CCNI: variants seen among roughly 807,000 people sequenced by gnomAD.
The protein encoded by CCNI is cyclin-I.
In CCNI, 14 loss-of-function variants were observed where a neutral mutation model predicts 34.1. That is an observed-to-expected ratio of 0.41 (90% CI 0.27 to 0.64). The LOEUF is 0.64. Among genes scored for constraint, CCNI ranks in the 30% least tolerant of loss-of-function variants. The pLI, the probability that CCNI is intolerant of heterozygous loss-of-function variation, is 0.31. For missense variants in CCNI, 385 were observed against 440.5 expected, an observed-to-expected ratio of 0.87 and a Z score of 1.13; for synonymous variants, 154 against 158.4, an observed-to-expected ratio of 0.97 and a Z score of 0.21.
Position 77,075,458 on chromosome 4 carries a change from C to G in CCNI, c.-44+14G>C. The G allele has an allele frequency of 6.9e-5, 35 of 507,606 alleles. No homozygotes were observed. The highest frequency in any genetic ancestry group is 8.6e-5 in the Non-Finnish European group (34 of 393,808). 31.4% of individuals were successfully genotyped at this position (507,606 alleles called of 1,614,324 possible). On this transcript the variant is annotated intron_variant, in intron 1 of 6. Coordinates refer to ENST00000237654, the MANE Select transcript of CCNI (RefSeq NM_006835.3). Reference sequence around the variant, plus strand: ...GAGACGCGTCGAGCCCCCGCCCCCGCCCCCGCCCCTCACCTTCTCCTCCTC... The same window carrying G: ...GAGACGCGTCGAGCCCCCGCCCCCGGCCCCGCCCCTCACCTTCTCCTCCTC...
intron 6 of CCNI, among the ~76,000 whole-genome samples, chr4:77,054,679 CCT>C (rs1466502315): frequency 1.3e-5 from 2 of 152,204 alleles, no homozygotes; most frequent in Non-Finnish European, 2.9e-5. Flanking sequence ...CAGGGAAAAA[CCT>C]CTTTCAGAAA....
chr4:77,066,435 T>C, intron 1 of CCNI, 30 bp from the exon 2 acceptor site: 2 of 1,567,264 alleles, frequency 1.3e-6, no homozygotes, highest in Non-Finnish European at 1.7e-6. Context: ...TTAAAATTAG[T>C]TATAGAATAA....
At chr4:77,055,405 TA>T in intron 5 of CCNI, 25 bp from the exon 6 acceptor site, 1 of 1,413,474 alleles carries the variant, frequency 7.1e-7, no homozygotes. Flanking sequence ...AACATCATTT[TA>T]ACTTTATTTA....
intron 1 of CCNI, among the ~76,000 whole-genome samples, chr4:77,068,299 A>G (rs986372422): frequency 6.6e-6 from 1 of 152,244 alleles, no homozygotes; most frequent in Non-Finnish European, 1.5e-5. Flanking sequence ...ATGTATCACA[A>G]TATTTATACA....
chr4:77,065,171 ATAAG>A (rs1203279240), intron 2 of CCNI: 3 of 152,256 alleles, frequency 2.0e-5, no homozygotes, highest in Non-Finnish European at 4.4e-5. Context: ...GTGGGAAAGA[ATAAG>A]TAGGAAAAAT....
intron 2 of CCNI, among the ~76,000 whole-genome samples, chr4:77,062,975 T>C (rs1265480457): frequency 6.6e-6 from 1 of 152,172 alleles, no homozygotes. Flanking sequence ...TTTGAGTCTA[T>C]TATATGCAAG....
intron 6 of CCNI, among the ~76,000 whole-genome samples, chr4:77,050,552 A>G (rs1727756422): frequency 6.6e-6 from 1 of 152,212 alleles, no homozygotes; most frequent in African/African-American, 2.4e-5. Context: ...AAAATGGCAG[A>G]TTTTAGCATC....
chr4:77,054,225 T>C (rs1170864745), intron 6 of CCNI, among the ~76,000 whole-genome samples: 2 of 152,256 alleles, frequency 1.3e-5, no homozygotes, highest in Non-Finnish European at 2.9e-5. Flanking sequence ...ATGTTTTTCT[T>C]TTATAATAAT....
In CCNI at chr4:77,075,625, A is replaced by C; in HGVS notation, c.-197T>G. ...CGACTCGGCCAACTGAGGAGGGAGAAAGGGGAAGCGGATCGGGGGGCGCGG... is the reference window on the plus strand; with the variant it reads ...CGACTCGGCCAACTGAGGAGGGAGACAGGGGAAGCGGATCGGGGGGCGCGG... On this transcript the variant is annotated 5_prime_UTR_variant, in exon 1 of 7. Coordinates refer to ENST00000237654, the MANE Select transcript of CCNI (RefSeq NM_006835.3). 1.0e-6 allele frequency: 1 copy of C among 956,672 alleles called. No homozygotes were observed. The highest frequency in any genetic ancestry group is 1.2e-6 in the Non-Finnish European group (1 of 802,726). 59.3% of individuals were successfully genotyped at this position (956,672 alleles called of 1,614,324 possible). A position where few individuals can be genotyped will look rare whatever the true frequency, so the allele number is the denominator to read the frequency against.
At chr4:77,072,435 G>A (rs1395049633) in intron 1 of CCNI, among the ~76,000 whole-genome samples, 3 of 127,324 alleles carry the variant, frequency 2.4e-5, no homozygotes, top group Admixed American at 8.9e-5. Flanking sequence ...ACAACAGAGC[G>A]AGATCCCTGT....
At chr4:77,052,436 A>C (rs1466617535) in intron 6 of CCNI, among the ~76,000 whole-genome samples, 1 of 152,182 alleles carries the variant, frequency 6.6e-6, no homozygotes, top group Non-Finnish European at 1.5e-5. Context: ...GGAGAGAAAG[A>C]GGTTTAGCCA....
At chr4:77,065,169 GAA>G (rs1443949068) in intron 2 of CCNI, 1 of 152,260 alleles carries the variant, frequency 6.6e-6, no homozygotes, top group African/African-American at 2.4e-5. Flanking sequence ...TTGTGGGAAA[GAA>G]TAAGTAGGAA....
intron 6 of CCNI, among the ~76,000 whole-genome samples, chr4:77,051,830 G>T (rs1485635469): frequency 6.6e-6 from 1 of 152,110 alleles, no homozygotes; most frequent in African/African-American, 2.4e-5. Context: ...TGACATAAAT[G>T]GTAGGTCCAG....
chr4:77,058,665 A>G lies in CCNI; in HGVS notation c.115-30T>C, dbSNP rs772279317. On this transcript the variant is annotated intron_variant, in intron 2 of 6. Transcript: ENST00000237654. ...AAGGGAACAATTTTGAAAACAGAAGACAAAGTTTGAGCTATCATCAAGAGT... is the reference window on the plus strand; with the variant it reads ...AAGGGAACAATTTTGAAAACAGAAGGCAAAGTTTGAGCTATCATCAAGAGT... The G allele has an allele frequency of 3.7e-6, 6 of 1,601,126 alleles. No individual in the cohort carries two copies. The South Asian group carries it at 5.6e-5, about 15-fold the overall frequency.
At chr4:77,068,983 CT>C (rs1376092992) in intron 1 of CCNI, among the ~76,000 whole-genome samples, 2 of 152,092 alleles carry the variant, frequency 1.3e-5, no homozygotes, top group Non-Finnish European at 2.9e-5. Flanking sequence ...TATCTTCATA[CT>C]AAGATGACAA....
chr4:77,075,419 CGACGCCGGCCGCGGA>C (rs1207983690), intron 1 of CCNI, 38 bp downstream of exon 1: 3 of 807,528 alleles, frequency 3.7e-6, no homozygotes, highest in Non-Finnish European at 4.5e-6. Flanking sequence ...CCCAGCGCGT[CGACGCCGGCCGCGGA>C]GACGCGTCGA....
At chr4:77,063,546 C>T (rs983948084) in intron 2 of CCNI, among the ~76,000 whole-genome samples, 14 of 151,942 alleles carry the variant, frequency 9.2e-5, no homozygotes, top group African/African-American at 2.2e-4. Flanking sequence ...AAAAATTAGC[C>T]GGGCGTTGTG....
intron 2 of CCNI, among the ~76,000 whole-genome samples, chr4:77,060,168 A>G (rs4252859): frequency 0.017 from 2,542 of 152,282 alleles, 77 homozygotes; most frequent in African/African-American, 0.058. Flanking sequence ...GCATTAAACA[A>G]TAACAGAAAC....
chr4:77,058,728 C>T lies in CCNI; in HGVS notation c.115-93G>A. On this transcript the variant is annotated intron_variant, in intron 2 of 6. Transcript: ENST00000237654. Reference sequence around the variant, plus strand: ...CTCTCTCATAAAAGGTTAGGTAATACTACAAAATATATTTAAAAATGTTAA... The same window carrying T: ...CTCTCTCATAAAAGGTTAGGTAATATTACAAAATATATTTAAAAATGTTAA... 3 of 983,572 alleles carry T rather than the reference C, an allele frequency of 3.1e-6. No homozygotes were observed. The South Asian group carries it at 4.9e-5, about 16-fold the overall frequency. 60.9% of individuals were successfully genotyped at this position (983,572 alleles called of 1,614,324 possible).
Sources: gnomAD v4.1 joint callset for allele counts (sites outside exome capture counted in the v4.1 genomes callset) on GRCh38, gnomAD v4.1.1 for gene constraint, MANE v1.5 for transcripts, NCBI Gene and HGNC (gene_info 2026-07-23, HGNC 2026-07-21) for gene names.